HDAC4: variants seen among roughly 807,000 people sequenced by gnomAD.
The protein encoded by HDAC4 is histone deacetylase A.
HDAC4 carries 16 observed loss-of-function variants against 135.1 expected under a neutral mutation model. That is an observed-to-expected ratio of 0.12 (90% CI 0.08 to 0.18). HDAC4 has a LOEUF of 0.18. Ranked by LOEUF, HDAC4 falls within the 10% of genes least tolerant of loss-of-function variation. The pLI, the probability that HDAC4 is intolerant of heterozygous loss-of-function variation, is 1.00. For missense variants in HDAC4, 1,143 were observed against 1,511.8 expected (o/e 0.76, Z 4.05); for synonymous variants, 685 against 653.4 (o/e 1.05, Z -0.74).
chr2:239,162,902 A>T (rs2152968433), intron 6 of HDAC4, among the ~76,000 whole-genome samples: 1 of 151,886 alleles, frequency 6.6e-6, no homozygotes. Flanking sequence ...GAGAATAGCT[A>T]TTTTTTTTCC....
chr2:239,385,166 T>C (rs570898300), intron 1 of HDAC4, among the ~76,000 whole-genome samples: 1 of 152,280 alleles, frequency 6.6e-6, no homozygotes, highest in Admixed American at 6.5e-5. Flanking sequence ...CCTGACTGCT[T>C]TGCGTGGAGG....
intron 19 of HDAC4, among the ~76,000 whole-genome samples, chr2:239,084,986 T>G (rs569216937): frequency 7.7e-6 from 1 of 129,614 alleles, no homozygotes; most frequent in Admixed American, 8.3e-5. Context: ...CACACACATA[T>G]ACACATAAGC....
intron 7 of HDAC4, chr2:239,155,479 A>G (rs1336820324): frequency 6.6e-6 from 1 of 152,300 alleles, no homozygotes; most frequent in African/African-American, 2.4e-5. Flanking sequence ...TATAGCTCAC[A>G]CCTCTAGGGT....
Position 239,143,755 on chromosome 2 carries a change from C to A in HDAC4, c.865+828G>T, listed in dbSNP as rs192504303. 7.2e-5 allele frequency among the ~76,000 whole-genome samples: 11 copies of A among 152,340 alleles called. No individual in the cohort carries two copies. In the East Asian group the frequency reaches 2.1e-3, roughly 29 times the overall value. On this transcript the variant is annotated intron_variant, in intron 8 of 26. Transcript: ENST00000543185. ...GGGGCATGGCACCAGGAGCCCCTCC[C>A]CGGCTTCCCTAGGTCAACAGCCTGC... is the stretch of plus-strand genomic sequence containing the variant.
chr2:239,135,976 C>A (rs1474883277), intron 9 of HDAC4, among the ~76,000 whole-genome samples: 1 of 152,142 alleles, frequency 6.6e-6, no homozygotes, highest in Non-Finnish European at 1.5e-5. Flanking sequence ...GCAACAGTCT[C>A]CAAGGACTTG....
chr2:239,174,758 C>T (rs2043651734), intron 5 of HDAC4, among the ~76,000 whole-genome samples: 1 of 152,212 alleles, frequency 6.6e-6, no homozygotes, highest in African/African-American at 2.4e-5. Context: ...GAAATGACTA[C>T]ATTGGTGCAT....
intron 3 of HDAC4, among the ~76,000 whole-genome samples, chr2:239,218,814 G>A (rs1575439295): frequency 1.3e-5 from 2 of 148,660 alleles, no homozygotes; most frequent in East Asian, 2.0e-4. Context: ...CGAAGGACAT[G>A]AACAGACACT....
chr2:239,294,745 C>T (rs890891684), intron 2 of HDAC4, among the ~76,000 whole-genome samples: 21 of 151,972 alleles, frequency 1.4e-4, no homozygotes, highest in Non-Finnish European at 2.4e-4. Flanking sequence ...CACAGCCCAC[C>T]CAGGCCAGGA....
intron 19 of HDAC4, 44 bp from the exon 20 acceptor site, chr2:239,084,286 G>A: frequency 6.9e-7 from 1 of 1,445,584 alleles, no homozygotes; most frequent in South Asian, 1.2e-5. Flanking sequence ...CAGGTGGGCG[G>A]TGGCCAGTTT....
intron 22 of HDAC4, among the ~76,000 whole-genome samples, chr2:239,072,513 C>T (rs1049143770): frequency 2.4e-4 from 37 of 152,290 alleles, no homozygotes; most frequent in African/African-American, 8.9e-4. Context: ...GTCCCCACGG[C>T]CTCCCCAGCA....
intron 1 of HDAC4, among the ~76,000 whole-genome samples, chr2:239,374,500 T>G (rs1575771215): frequency 2.2e-5 from 3 of 138,104 alleles, no homozygotes; most frequent in African/African-American, 2.7e-5. Context: ...GCCTCCCGGG[T>G]TCACGCCATT....
At chr2:239,315,247 G>A (rs538802211) in intron 2 of HDAC4, among the ~76,000 whole-genome samples, 3 of 152,250 alleles carry the variant, frequency 2.0e-5, no homozygotes, top group Admixed American at 6.5e-5. Context: ...CCCTAAAAAT[G>A]TATGAAACCA....
chr2:239,068,619 A>G lies in HDAC4; in HGVS notation c.2751-12T>C. 6.2e-7 allele frequency: 1 copy of G among 1,606,986 alleles called. No homozygotes were observed. The highest frequency in any genetic ancestry group is 8.5e-7 in the Non-Finnish European group (1 of 1,173,662). On this transcript the variant is annotated splice_polypyrimidine_tract_variant and intron_variant, in intron 22 of 26. Coordinates refer to ENST00000543185, the MANE Select transcript of HDAC4 (RefSeq NM_001378414.1). This position sits in a 1 kb window ranked among gnomAD's most constrained non-coding sequence, Gnocchi z 4.4. ...GCATGACCACCGTTCTGCAAAGGAC[A>G]GGAGAAGGCGTTACTGGGTCAGCTG...
chr2:239,147,568 C>T (rs555813678), intron 7 of HDAC4, among the ~76,000 whole-genome samples: 3 of 152,380 alleles, frequency 2.0e-5, no homozygotes, highest in South Asian at 2.1e-4. Context: ...ATTCCAGGCA[C>T]GATGTGGCCA....
At chr2:239,289,755 C>G (rs1191044138) in intron 2 of HDAC4, among the ~76,000 whole-genome samples, 2 of 152,234 alleles carry the variant, frequency 1.3e-5, no homozygotes, top group Non-Finnish European at 2.9e-5. Flanking sequence ...TGATGGGGCA[C>G]CAGAGCTCTG....
rs1026408235 is a variant in HDAC4 at position 239,285,805 on chromosome 2, A to C, written c.23-49141T>G. Among the ~76,000 whole-genome samples, 4 of 152,166 alleles carry C rather than the reference A, an allele frequency of 2.6e-5. No individual in the cohort carries two copies. The highest frequency in any genetic ancestry group is 9.7e-5 in the African/African-American group (4 of 41,436). On this transcript the variant is annotated intron_variant, in intron 2 of 26. Coordinates refer to ENST00000543185, the MANE Select transcript of HDAC4 (RefSeq NM_001378414.1). The surrounding 1 kb of genome is among the most constrained non-coding windows in gnomAD (Gnocchi z 4.5). Reference sequence around the variant, plus strand: ...TTGAGGGCAGCGGGTGGAGGACTGCATGGGGGTCAGGACCGAGGTGAGCCC... The same window carrying C: ...TTGAGGGCAGCGGGTGGAGGACTGCCTGGGGGTCAGGACCGAGGTGAGCCC...
At chr2:239,076,631 A>C (rs2034793266) in intron 22 of HDAC4, among the ~76,000 whole-genome samples, 1 of 152,182 alleles carries the variant, frequency 6.6e-6, no homozygotes. Context: ...CTCCGTGGGA[A>C]CTGGGCTCAG....
intron 2 of HDAC4, among the ~76,000 whole-genome samples, chr2:239,293,478 C>T (rs2051658101): frequency 6.6e-6 from 1 of 152,192 alleles, no homozygotes; most frequent in Non-Finnish European, 1.5e-5. Flanking sequence ...AGGGGCGGAA[C>T]ATTAACAAGG....
rs764736734 is a variant in HDAC4, at chr2:239,053,486, G to A, written c.3204C>T (p.Ser1068=). 1.9e-6 allele frequency: 3 copies of A among 1,613,550 alleles called. No individual in the cohort carries two copies. Among genetic ancestry groups the A allele is most frequent in the Admixed American group, 3.3e-5 (2 of 60,020 alleles). The change falls in exon 26 of 27, where the codon TCC becomes TCT. Residue 1068 remains serine (S), a synonymous_variant. Coordinates refer to ENST00000543185, the MANE Select transcript of HDAC4 (RefSeq NM_001378414.1). ...TCTTTTCGGCGGGCTTCACGCCCACGGACAGCGAGGCCATGGCGGTGACCG... is the reference window on the plus strand; with the variant it reads ...TCTTTTCGGCGGGCTTCACGCCCACAGACAGCGAGGCCATGGCGGTGACCG... ...AETVTAMASL[S]VGVKPAEKRP...
Sources: gnomAD v4.1 joint callset for allele counts (sites outside exome capture counted in the v4.1 genomes callset) on GRCh38, gnomAD v4.1.1 for gene constraint, Gnocchi (gnomAD v3.1) non-coding constraint, MANE v1.5 for transcripts, NCBI Gene and HGNC (gene_info 2026-07-23, HGNC 2026-07-21) for gene names.